The following IGFL2 variants were observed in gnomAD, a reference collection of about 807,000 sequenced individuals.
IGFL2 encodes the protein IGF like family member 2.
IGFL2 carries 7 observed loss-of-function variants against 13.9 expected under a neutral mutation model. The observed-to-expected ratio is 0.51, with a 90% CI of 0.29 to 0.95. IGFL2 has a LOEUF of 0.95. Ranked by LOEUF, IGFL2 falls within the 40% of genes least tolerant of loss-of-function variation. The probability of loss-of-function intolerance (pLI) is 0.08; values close to 1 mark genes in which losing one functional copy is unlikely to be tolerated. For missense variants in IGFL2, 138 were observed against 147.8 expected (o/e 0.93, Z 0.34); for synonymous variants, 55 against 55.8 (o/e 0.99, Z 0.07).
the IGFL2 span, among the ~76,000 whole-genome samples, chr19:46,201,998 G>A: frequency 6.6e-6 from 1 of 152,176 alleles, no homozygotes; most frequent in Admixed American, 6.5e-5. Context: ...TATAGGGTGG[G>A]AGAGTGGAAG....
chr19:46,172,341 C>CG, the IGFL2 span, among the ~76,000 whole-genome samples: 1 of 152,104 alleles, frequency 6.6e-6, no homozygotes, highest in Non-Finnish European at 1.5e-5. Flanking sequence ...CATTGTAAAA[C>CG]ATGGGAAAAT....
At chr19:46,081,155 A>G in the IGFL2 span, among the ~76,000 whole-genome samples, 1 of 152,230 alleles carries the variant, frequency 6.6e-6, no homozygotes. Context: ...GGGGAGCCTT[A>G]GATACATAAC....
chr19:46,170,179 C>A, the IGFL2 span, among the ~76,000 whole-genome samples: 237 of 152,024 alleles, frequency 1.6e-3, 1 homozygote, highest in African/African-American at 5.5e-3. Flanking sequence ...GAGTAAGAAT[C>A]GGGCTCTCAA....
At chr19:46,095,922 C>T in the IGFL2 span, among the ~76,000 whole-genome samples, 1 of 151,246 alleles carries the variant, frequency 6.6e-6, no homozygotes, top group African/African-American at 2.4e-5. Context: ...CATGCTGTAG[C>T]CTTGTCATAT....
At chr19:46,210,757 AAAAGTTAAT>A in the IGFL2 span, among the ~76,000 whole-genome samples, 1 of 152,198 alleles carries the variant, frequency 6.6e-6, no homozygotes, top group African/African-American at 2.4e-5. Context: ...CCACTAATGC[AAAAGTTAAT>A]CTCCTTTGGC....
At chr19:46,089,170 C>G in the IGFL2 span, among the ~76,000 whole-genome samples, 1 of 151,558 alleles carries the variant, frequency 6.6e-6, no homozygotes, top group African/African-American at 2.4e-5. Context: ...TTTGTAGTTA[C>G]CAAAAAAAAC....
At chr19:46,187,798 C>T in the IGFL2 span, among the ~76,000 whole-genome samples, 1 of 137,716 alleles carries the variant, frequency 7.3e-6, no homozygotes, top group Non-Finnish European at 1.5e-5. Flanking sequence ...CCCGTTTAAA[C>T]CTGAGGTTGT....
chr19:46,153,295 C>T (rs139768428), intron 1 of IGFL2, among the ~76,000 whole-genome samples: 210 of 152,218 alleles, frequency 1.4e-3, no homozygotes, highest in African/African-American at 4.7e-3. Flanking sequence ...GGGCATTTCC[C>T]GTGTATGGGT....
the IGFL2 span, among the ~76,000 whole-genome samples, chr19:46,185,228 C>A: frequency 6.6e-6 from 1 of 152,056 alleles, no homozygotes; most frequent in Non-Finnish European, 1.5e-5. Context: ...TAGTTTCTTC[C>A]TTTTTTCTAC....
upstream of IGFL2, among the ~76,000 whole-genome samples, chr19:46,139,264 T>C (rs1317929861): frequency 1.3e-5 from 2 of 151,056 alleles, no homozygotes; most frequent in South Asian, 4.2e-4. Context: ...GTCTTCTTGA[T>C]GGTCAGTCCC....
the IGFL2 span, among the ~76,000 whole-genome samples, chr19:46,094,749 A>G: frequency 1.3e-5 from 2 of 151,996 alleles, no homozygotes; most frequent in Non-Finnish European, 2.9e-5. Context: ...CTAATTGTTC[A>G]GCTCTCACTT....
downstream of IGFL2, among the ~76,000 whole-genome samples, chr19:46,164,370 C>G (rs914059009): frequency 2.0e-5 from 3 of 152,198 alleles, no homozygotes; most frequent in Admixed American, 2.0e-4. Context: ...CTCTTCTGCC[C>G]CCAGTCAGCT....
intron 1 of IGFL2, among the ~76,000 whole-genome samples, chr19:46,149,645 C>T (rs767552810): frequency 2.0e-5 from 3 of 151,964 alleles, no homozygotes; most frequent in South Asian, 2.1e-4. Context: ...AGTGACCTTT[C>T]GTGTAACTTT....
chr19:46,194,591 G>A, the IGFL2 span, among the ~76,000 whole-genome samples: 3 of 152,038 alleles, frequency 2.0e-5, no homozygotes, highest in East Asian at 1.9e-4. Context: ...GGAGGCCGGG[G>A]GAGGTGGGTC....
chr19:46,154,472 C>G (rs973464398), intron 1 of IGFL2, among the ~76,000 whole-genome samples: 2 of 152,152 alleles, frequency 1.3e-5, no homozygotes, highest in Non-Finnish European at 2.9e-5. Flanking sequence ...TTGACGGAGT[C>G]TCGCTCTGTC....
chr19:46,172,699 T>G, the IGFL2 span, among the ~76,000 whole-genome samples: 65 of 152,326 alleles, frequency 4.3e-4, no homozygotes, highest in African/African-American at 1.4e-3. Context: ...TTATATAATC[T>G]TCCTCACTTT....
chr19:46,212,532 C>T, the IGFL2 span: 1 of 152,208 alleles, frequency 6.6e-6, no homozygotes, highest in African/African-American at 2.4e-5. Context: ...GTCCTGACCC[C>T]AAGATGGCTC....
chr19:46,151,624 A>C (rs1973496771), intron 1 of IGFL2, among the ~76,000 whole-genome samples: 1 of 152,118 alleles, frequency 6.6e-6, no homozygotes, highest in South Asian at 2.1e-4. Context: ...ATTTCTTCAG[A>C]GAAGGCTGGG....
At chr19:46,137,275 A>C in the IGFL2 span, 9 of 1,221,252 alleles carry the variant, frequency 7.4e-6, no homozygotes, top group Non-Finnish European at 1.1e-5. Flanking sequence ...TCAGCATGTC[A>C]GGATGCGTAC....
Sources: allele counts gnomAD v4.1 joint callset (sites outside exome capture counted in the v4.1 genomes callset), GRCh38; gene constraint gnomAD v4.1.1; transcripts MANE v1.5; gene names NCBI Gene and HGNC (gene_info 2026-07-23, HGNC 2026-07-21).